PPP2R2C: variants seen among roughly 807,000 people sequenced by gnomAD.
PPP2R2C encodes the protein protein phosphatase 2, regulatory subunit B, gamma.
In PPP2R2C, 10 loss-of-function variants were observed where a neutral mutation model predicts 45.3. The observed-to-expected ratio is 0.22, with a 90% CI of 0.14 to 0.37. The LOEUF (loss-of-function observed/expected upper bound fraction) is 0.37, where lower values mean the gene tolerates loss of function less well. PPP2R2C is among the 10% of genes least tolerant of loss of function. The pLI, the probability that PPP2R2C is intolerant of heterozygous loss-of-function variation, is 1.00. For synonymous variants in PPP2R2C, 257 were observed against 245.4 expected (o/e 1.05, Z -0.44); for missense variants, 308 against 619.7 (o/e 0.50, Z 5.34).
rs1277288372 is a variant in PPP2R2C at position 6,394,676 on chromosome 4, C to G, written c.71-13582G>C. Among the ~76,000 whole-genome samples the G allele has an allele frequency of 2.0e-5, 3 of 152,356 alleles. No homozygotes were observed. The South Asian group carries it at 6.2e-4, about 32-fold the overall frequency. On this transcript the variant is annotated intron_variant, in intron 1 of 8. Transcript: ENST00000382599. ...CATGGAGGCCTGACACTGATGCGGA[C>G]CTATCACTTGAGTCTCAGCCGGGCC... is the stretch of plus-strand genomic sequence containing the variant.
intron 2 of PPP2R2C, among the ~76,000 whole-genome samples, chr4:6,527,917 G>C (rs937646819): frequency 6.6e-6 from 1 of 152,194 alleles, no homozygotes; most frequent in Non-Finnish European, 1.5e-5. Flanking sequence ...CCAGGAGCTG[G>C]GGAAGGGACA....
At chr4:6,561,133 G>A (rs563274431) in intron 1 of PPP2R2C, among the ~76,000 whole-genome samples, 97 of 152,324 alleles carry the variant, frequency 6.4e-4, no homozygotes, top group Middle Eastern at 3.4e-3. Flanking sequence ...CAACCCCAAG[G>A]CTGCAATGCC....
At chr4:6,326,109 G>A (rs1433965953) in intron 8 of PPP2R2C, among the ~76,000 whole-genome samples, 1 of 152,200 alleles carries the variant, frequency 6.6e-6, no homozygotes, top group Non-Finnish European at 1.5e-5. Context: ...TGCAAAAAGT[G>A]GGCAAGTGAC....
At chr4:6,380,949 C>T in intron 2 of PPP2R2C, 48 bp downstream of exon 2, 1 of 1,459,160 alleles carries the variant, frequency 6.9e-7, no homozygotes, top group South Asian at 1.4e-5. Flanking sequence ...TCCCACCTGA[C>T]TCTGCTCCCC....
chr4:6,538,308 C>A (rs1007087974), intron 1 of PPP2R2C, among the ~76,000 whole-genome samples: 2 of 152,150 alleles, frequency 1.3e-5, no homozygotes, highest in Non-Finnish European at 2.9e-5. Context: ...TACCCCACCC[C>A]ACGGACGCTT....
At chr4:6,519,381 C>G (rs376312762) in intron 2 of PPP2R2C, among the ~76,000 whole-genome samples, 1 of 152,330 alleles carries the variant, frequency 6.6e-6, no homozygotes, top group East Asian at 1.9e-4. Context: ...GAGCCAGGCC[C>G]CATGCTTTTG....
intron 1 of PPP2R2C, chr4:6,382,995 C>T (rs746582235): frequency 1.9e-4 from 208 of 1,083,014 alleles, no homozygotes; most frequent in Non-Finnish European, 2.3e-4. Flanking sequence ...TGGAGCCAAA[C>T]CTTCACCCCT....
intron 1 of PPP2R2C, among the ~76,000 whole-genome samples, chr4:6,417,772 G>C (rs1363150970): frequency 3.3e-5 from 5 of 152,224 alleles, no homozygotes; most frequent in Non-Finnish European, 7.3e-5. Context: ...CGGCTGCGTG[G>C]GGGGCATGGT....
intron 1 of PPP2R2C, among the ~76,000 whole-genome samples, chr4:6,544,770 T>C (rs571148606): frequency 1.3e-5 from 2 of 152,358 alleles, no homozygotes; most frequent in East Asian, 3.9e-4. Context: ...CCCTTCTCCC[T>C]GTGCTCTGCA....
intron 1 of PPP2R2C, among the ~76,000 whole-genome samples, chr4:6,537,544 A>ATTTTTTTTTTTTTTTTTTTT (rs1560609614): frequency 6.9e-6 from 1 of 144,430 alleles, no homozygotes; most frequent in African/African-American, 2.6e-5. Context: ...GAACTTGAAG[A>ATTTTTTTTTTTTTTTTTTTT]TTTTTTGTTT....
intron 6 of PPP2R2C, among the ~76,000 whole-genome samples, chr4:6,347,370 G>T (rs1207273268): frequency 1.3e-5 from 2 of 152,074 alleles, no homozygotes; most frequent in Non-Finnish European, 2.9e-5. Context: ...GCCTGTGGTG[G>T]GTTCTAGGAT....
chr4:6,537,299 G>A (rs1724658424), intron 1 of PPP2R2C, among the ~76,000 whole-genome samples: 1 of 152,170 alleles, frequency 6.6e-6, no homozygotes, highest in Non-Finnish European at 1.5e-5. Flanking sequence ...GCTCATCAGT[G>A]CAGAGAAATG....
Position 6,327,976 on chromosome 4 carries a change from C to T in PPP2R2C, c.1052+1286G>A, listed in dbSNP as rs527310282. Among the ~76,000 whole-genome samples the T allele has an allele frequency of 5.0e-5, 6 of 120,076 alleles. No individual in the cohort carries two copies. The South Asian group carries it at 1.5e-3, about 31-fold the overall frequency. 78.8% of individuals were successfully genotyped at this position (120,076 alleles called of 152,430 possible). On this transcript the variant is annotated intron_variant, in intron 8 of 8. Coordinates refer to ENST00000382599, the MANE Select transcript of PPP2R2C (RefSeq NM_020416.4). ...TGGTCCTGTCTCTGCCATGTCCAGC[C>T]CTCCCCTCATCCCACACACCAACCC...
rs574060942 is a variant in PPP2R2C at position 6,547,048 on chromosome 4, T to C, written c.-58-11671A>G. ...GATAACCTGGGGTTGGGGGAGCATT[T>C]GGGGGAAACTTGTGCAAGCCAGACC... On this transcript the variant is annotated intron_variant, in intron 1 of 9. Coordinates refer to the PPP2R2C transcript ENST00000506140. Among the ~76,000 whole-genome samples, 5 of 152,298 alleles carry C rather than the reference T, an allele frequency of 3.3e-5. No homozygotes were observed. The South Asian group carries it at 1.0e-3, about 32-fold the overall frequency.
At chr4:6,512,685 G>A (rs1723705723) in intron 2 of PPP2R2C, among the ~76,000 whole-genome samples, 1 of 150,656 alleles carries the variant, frequency 6.6e-6, no homozygotes, top group Non-Finnish European at 1.5e-5. Context: ...TGGTGATACT[G>A]GTGGTGGTGA....
intron 2 of PPP2R2C, among the ~76,000 whole-genome samples, chr4:6,480,898 T>TGA (rs1178070474): frequency 6.6e-6 from 1 of 152,270 alleles, no homozygotes; most frequent in Non-Finnish European, 1.5e-5. Flanking sequence ...TTGCATTTCC[T>TGA]GATTCCTAGT....
chr4:6,545,892 T>C (rs1724964150), intron 1 of PPP2R2C, among the ~76,000 whole-genome samples: 1 of 151,982 alleles, frequency 6.6e-6, no homozygotes, highest in African/African-American at 2.4e-5. Flanking sequence ...TTGATTTAGC[T>C]ACAAAGGGTT....
At chr4:6,414,056 A>G (rs1380918897) in intron 1 of PPP2R2C, 2 of 1,483,044 alleles carry the variant, frequency 1.3e-6, no homozygotes, top group African/African-American at 2.8e-5. Flanking sequence ...ATGGGACAGT[A>G]ACATAAGTTT....
intron 1 of PPP2R2C, among the ~76,000 whole-genome samples, chr4:6,559,563 TC>T (rs1411299856): frequency 1.3e-5 from 2 of 151,666 alleles, no homozygotes; most frequent in East Asian, 3.9e-4. Context: ...TCCTCCAAAA[TC>T]CCCCCTGCTG....
Sources: gnomAD v4.1 joint callset for allele counts (sites outside exome capture counted in the v4.1 genomes callset) on GRCh38, gnomAD v4.1.1 for gene constraint, MANE v1.5 for transcripts, NCBI Gene and HGNC (gene_info 2026-07-23, HGNC 2026-07-21) for gene names.